The following SPTB variants were observed in gnomAD, a reference collection of about 807,000 sequenced individuals.
SPTB encodes spectrin beta, erythrocytic, also known as spectrin beta chain, erythrocytic.
A neutral mutation model predicts 256.2 loss-of-function variants in SPTB; 45 were observed. The ratio of observed to expected loss-of-function variants is 0.18; its 90% CI spans 0.14 to 0.23. The LOEUF is 0.23. Among genes scored for constraint, SPTB ranks in the 10% least tolerant of loss-of-function variants. The pLI is 1.00. For missense variants in SPTB, 2,715 were observed against 3,040.4 expected (o/e 0.89, Z 2.52); for synonymous variants, 1,231 against 1,243.1 (o/e 0.99, Z 0.21).
intron 1 of SPTB, among the ~76,000 whole-genome samples, chr14:64,872,647 C>T (rs1037688390): frequency 1.3e-5 from 2 of 152,226 alleles, no homozygotes; most frequent in African/African-American, 2.4e-5. Context: ...GCAGTGGCCC[C>T]ACGTTGGGGG....
At position 64,765,837 on chromosome 14, in the gene SPTB, G is replaced by T. The variant is rs893033935; in HGVS notation, c.6345+889C>A. On this transcript the variant is annotated intron_variant, in intron 32 of 35. Transcript: ENST00000644917. ...GTGTGTGTGAGTGTGTGTGTGTGTG[G>T]GGGTGTGGTGTGTGCACATGTATGT... 1.8e-4 allele frequency among the ~76,000 whole-genome samples: 27 copies of T among 147,818 alleles called. 1 individual carries two copies. Among genetic ancestry groups the T allele is most frequent in the African/African-American group, 3.4e-4 (13 of 38,590 alleles).
rs1420620422 is a variant in SPTB, at chr14:64,827,614, C to T, written c.-51-4469G>A. 2.6e-5 allele frequency among the ~76,000 whole-genome samples: 4 copies of T among 152,172 alleles called. No individual in the cohort carries two copies. Among genetic ancestry groups the T allele is most frequent in the Non-Finnish European group, 5.9e-5 (4 of 68,034 alleles). On this transcript the variant is annotated intron_variant, in intron 1 of 35. Coordinates refer to ENST00000644917, the MANE Select transcript of SPTB (RefSeq NM_001355436.2). This position sits in a 1 kb window ranked among gnomAD's most constrained non-coding sequence, Gnocchi z 4.6. ...TCCTTCCTCTCCCTCTGATCATAAT[C>T]GCATTGCACATTCACAGGTACCTTA...
intron 1 of SPTB, among the ~76,000 whole-genome samples, chr14:64,858,731 G>A (rs1023397178): frequency 9.9e-5 from 15 of 152,194 alleles, no homozygotes; most frequent in African/African-American, 2.9e-4. Flanking sequence ...GGAAGGTGAC[G>A]TCCTGGGCTA....
At chr14:64,862,443 A>T (rs1881909014) in intron 1 of SPTB, among the ~76,000 whole-genome samples, 2 of 152,118 alleles carry the variant, frequency 1.3e-5, no homozygotes, top group South Asian at 4.1e-4. Context: ...TTCCGAGAAC[A>T]AAAATGTTTT....
chr14:64,762,462 A>C (rs2082108684), intron 32 of SPTB, among the ~76,000 whole-genome samples: 1 of 152,256 alleles, frequency 6.6e-6, no homozygotes, highest in African/African-American at 2.4e-5. Flanking sequence ...AAGGGGCAGC[A>C]GCAGCTGGAG....
In SPTB at chr14:64,746,283, T is replaced by A. The variant is rs1321811896; in HGVS notation, c.*3023A>T. The A allele has an allele frequency of 6.6e-6, 1 of 152,282 alleles. No homozygotes were observed. Among genetic ancestry groups the A allele is most frequent in the Admixed American group, 6.5e-5 (1 of 15,274 alleles). 9.4% of individuals were successfully genotyped at this position (152,282 alleles called of 1,614,324 possible). A position where few individuals can be genotyped will look rare whatever the true frequency, so the allele number is the denominator to read the frequency against. On this transcript the variant is annotated 3_prime_UTR_variant, in exon 36 of 36. Transcript: ENST00000644917. This position sits in a 1 kb window ranked among gnomAD's most constrained non-coding sequence, Gnocchi z 4.9. ...GTTAAATAAGAAACTGAGAGAAACA[T>A]GGAGCATTATTGATTTATTAGAAAA...
At chr14:64,821,456 C>T (rs2083285441) in intron 2 of SPTB, among the ~76,000 whole-genome samples, 1 of 152,218 alleles carries the variant, frequency 6.6e-6, no homozygotes, top group Admixed American at 6.5e-5. Flanking sequence ...CCAGTCCCCA[C>T]TCTTACCTTG....
intron 1 of SPTB, among the ~76,000 whole-genome samples, chr14:64,848,160 G>A (rs1429058085): frequency 6.6e-6 from 1 of 152,108 alleles, no homozygotes. Context: ...ACCACCACAT[G>A]ATGGCTCCTC....
At chr14:64,875,643 T>C (rs1179483960) in intron 1 of SPTB, among the ~76,000 whole-genome samples, 3 of 152,254 alleles carry the variant, frequency 2.0e-5, no homozygotes, top group Non-Finnish European at 4.4e-5. Flanking sequence ...TCCTCAGATT[T>C]CTTATCTAAA....
Position 64,802,195 on chromosome 14 carries a change from G to T in SPTB, c.566+31C>A. 6.2e-7 allele frequency: 1 copy of T among 1,601,580 alleles called. No individual in the cohort carries two copies. The highest frequency in any genetic ancestry group is 2.2e-5 in the East Asian group (1 of 44,804). On this transcript the variant is annotated intron_variant, in intron 5 of 35. Transcript: ENST00000644917. The surrounding 1 kb of genome is among the most constrained non-coding windows in gnomAD (Gnocchi z 5.1). ...TGTGCGGAGCAAGGGGCTGGTGGTG[G>T]ATGTGCTAACAGCTGGTTCCCAGGG...
chr14:64,843,439 G>GA (rs1032382662), intron 1 of SPTB, among the ~76,000 whole-genome samples: 8 of 150,428 alleles, frequency 5.3e-5, no homozygotes, highest in African/African-American at 9.8e-5. Flanking sequence ...CTTCACTGGG[G>GA]AAAAAAAAAC....
intron 1 of SPTB, among the ~76,000 whole-genome samples, chr14:64,867,488 G>A (rs1014038119): frequency 6.6e-6 from 1 of 152,204 alleles, no homozygotes. Flanking sequence ...TCACAGAAGA[G>A]GGAAAGAAGT....
At chr14:64,879,163 A>G (rs1271176823) in intron 1 of SPTB, among the ~76,000 whole-genome samples, 1 of 152,154 alleles carries the variant, frequency 6.6e-6, no homozygotes, top group African/African-American at 2.4e-5. Context: ...GAGGAAGACT[A>G]GGGGTCCTTG....
At chr14:64,836,961 A>G (rs1459704409) in intron 1 of SPTB, among the ~76,000 whole-genome samples, 1 of 152,244 alleles carries the variant, frequency 6.6e-6, no homozygotes, top group Non-Finnish European at 1.5e-5. Flanking sequence ...TGGGTGAGAA[A>G]CGGCTGGTCA....
Position 64,748,230 on chromosome 14 carries a change from C to A in SPTB, c.*1076G>T, listed in dbSNP as rs1470574335. ...ATGATCAACTTTACTGTCTGCCCAG[C>A]CATTACCCTCCAAAGTCCCAGCTGC... is the stretch of plus-strand genomic sequence containing the variant. On this transcript the variant is annotated 3_prime_UTR_variant, in exon 36 of 36. Coordinates refer to ENST00000644917, the MANE Select transcript of SPTB (RefSeq NM_001355436.2). 6.7e-6 allele frequency: 1 copy of A among 149,732 alleles called. No individual in the cohort carries two copies. The highest frequency in any genetic ancestry group is 1.5e-5 in the Non-Finnish European group (1 of 68,006). 9.3% of individuals were successfully genotyped at this position (149,732 alleles called of 1,614,324 possible). A position where few individuals can be genotyped will look rare whatever the true frequency, so the allele number is the denominator to read the frequency against.
At position 64,844,811 on chromosome 14, in the gene SPTB, C is replaced by G. The variant is rs1201478159; in HGVS notation, c.-51-21666G>C. The stretch of plus-strand genomic sequence containing the variant: ...ACATTTCCAAAATACATCCAAATCA[C>G]ATTCCAGAGATTCCACCTGATCTCA... On this transcript the variant is annotated intron_variant, in intron 1 of 35. Coordinates refer to ENST00000644917, the MANE Select transcript of SPTB (RefSeq NM_001355436.2). The surrounding 1 kb of genome is among the most constrained non-coding windows in gnomAD (Gnocchi z 4.1). Among the ~76,000 whole-genome samples, 1 of 152,200 alleles carries G rather than the reference C, an allele frequency of 6.6e-6. No individual in the cohort carries two copies. The highest frequency in any genetic ancestry group is 1.5e-5 in the Non-Finnish European group (1 of 68,032).
chr14:64,805,121 C>A, intron 2 of SPTB, 31 bp from the exon 3 acceptor site: 1 of 1,614,016 alleles, frequency 6.2e-7, no homozygotes, highest in Non-Finnish European at 8.5e-7. Flanking sequence ...TGGTGAGGTG[C>A]CTGAGGTTGG....
rs72724484 is a variant in SPTB, at chr14:64,775,700, C to T, written c.4564-297G>A. Among the ~76,000 whole-genome samples, 3,893 of 152,336 alleles carry T rather than the reference C, an allele frequency of 0.026. 62 individuals carry two copies. Among genetic ancestry groups the T allele is most frequent in the Non-Finnish European group, 0.037 (2,537 of 68,018 alleles). On this transcript the variant is annotated intron_variant, in intron 22 of 35. Coordinates refer to ENST00000644917, the MANE Select transcript of SPTB (RefSeq NM_001355436.2). This position sits in a 1 kb window ranked among gnomAD's most constrained non-coding sequence, Gnocchi z 5.0. ...AACACAGCTCCACCTGACCTGGCAG[C>T]CTGTGCTCTTGACTGTCCCCTATCT...
chr14:64,873,855 C>T lies in SPTB; in HGVS notation c.-52+5937G>A, dbSNP rs1433813647. Among the ~76,000 whole-genome samples, 2 of 152,158 alleles carry T rather than the reference C, an allele frequency of 1.3e-5. No individual in the cohort carries two copies. The highest frequency in any genetic ancestry group is 4.8e-5 in the African/African-American group (2 of 41,442). On this transcript the variant is annotated intron_variant, in intron 1 of 35. Coordinates refer to ENST00000644917, the MANE Select transcript of SPTB (RefSeq NM_001355436.2). The surrounding 1 kb of genome is among the most constrained non-coding windows in gnomAD (Gnocchi z 4.3). The stretch of plus-strand genomic sequence containing the variant: ...GTACATTTCTAATCCTGTTTTGTAA[C>T]TGGAAACCAGGAATAATCAGATCTT...
Sources: gnomAD v4.1 joint callset for allele counts (sites outside exome capture counted in the v4.1 genomes callset) on GRCh38, gnomAD v4.1.1 for gene constraint, Gnocchi (gnomAD v3.1) non-coding constraint, MANE v1.5 for transcripts, NCBI Gene and HGNC (gene_info 2026-07-23, HGNC 2026-07-21) for gene names.